The following UBE2W variants were observed in gnomAD, a reference collection of about 807,000 sequenced individuals.
The protein encoded by UBE2W is ubiquitin conjugating enzyme E2 W.
Under a neutral mutation model 27.2 loss-of-function variants are expected in UBE2W, and 18 were observed. That is an observed-to-expected ratio of 0.66 (90% CI 0.46 to 0.98). The LOEUF (loss-of-function observed/expected upper bound fraction) is 0.98. Ranked by LOEUF, UBE2W falls within the 50% of genes least tolerant of loss-of-function variation. The pLI is 0.00. For missense variants in UBE2W, 90 were observed against 180.2 expected (o/e 0.50, Z 2.87); for synonymous variants, 53 against 57.2 (o/e 0.93, Z 0.33).
chr8:73,800,842 C>A (rs1251804704), intron 5 of UBE2W, among the ~76,000 whole-genome samples: 1 of 152,084 alleles, frequency 6.6e-6, no homozygotes, highest in Admixed American at 6.6e-5. Flanking sequence ...ACCTGTAATC[C>A]CAGCACTTTG....
chr8:73,863,693 G>A (rs1248712482), intron 1 of UBE2W, among the ~76,000 whole-genome samples: 1 of 152,080 alleles, frequency 6.6e-6, no homozygotes, highest in Non-Finnish European at 1.5e-5. Flanking sequence ...GAGAGGTGGA[G>A]GGTGCAGTGA....
intron 1 of UBE2W, among the ~76,000 whole-genome samples, chr8:73,832,140 T>A (rs963325146): frequency 1.8e-4 from 27 of 149,996 alleles, no homozygotes; most frequent in African/African-American, 4.7e-4. Flanking sequence ...TAAATAAATA[T>A]ATATATATAT....
At chr8:73,782,867 T>C (rs1274785817), downstream of UBE2W, among the ~76,000 whole-genome samples, 1 of 152,258 alleles carries the variant, frequency 6.6e-6, no homozygotes, top group African/African-American at 2.4e-5. Flanking sequence ...AAAGTGGTTA[T>C]ACAATTCTAA....
chr8:73,863,932 C>CAAA (rs1811633573), intron 1 of UBE2W, among the ~76,000 whole-genome samples: 1 of 117,154 alleles, frequency 8.5e-6, no homozygotes, highest in African/African-American at 3.7e-5. Context: ...ACAACAACAA[C>CAAA]AAAAAACAAA....
rs534467890 is a variant in UBE2W, at chr8:73,812,728, C to T, written c.211-2099G>A. On this transcript the variant is annotated intron_variant, in intron 3 of 5. Transcript: ENST00000602593. ...AATTATTTTTTTAAAAGATATTTTT[C>T]GGTGTGGCTCATGCCTGTAATCCCA... is the stretch of plus-strand genomic sequence containing the variant. Among the ~76,000 whole-genome samples, 5 of 152,096 alleles carry T rather than the reference C, an allele frequency of 3.3e-5. No homozygotes were observed. The East Asian group carries it at 7.7e-4, about 24-fold the overall frequency.
chr8:73,876,319 A>G (rs1812220094), intron 1 of UBE2W, among the ~76,000 whole-genome samples: 1 of 152,156 alleles, frequency 6.6e-6, no homozygotes, highest in Non-Finnish European at 1.5e-5. Flanking sequence ...TGCCATTAAG[A>G]TAGTCAGGAT....
chr8:73,870,311 CAAAG>C (rs748949005), intron 1 of UBE2W: 8 of 1,571,734 alleles, frequency 5.1e-6, no homozygotes, highest in South Asian at 2.3e-5. Flanking sequence ...TCTGAAAATA[CAAAG>C]AAAGACCTCA....
chr8:73,787,423 T>C lies in UBE2W; in HGVS notation c.*6679A>G. On this transcript the variant is annotated 3_prime_UTR_variant, in exon 6 of 6. Coordinates refer to ENST00000602593, the MANE Select transcript of UBE2W (RefSeq NM_018299.6). ...TATGGAAAGTAGAAATTAAGGATTATAATAAAGGAAAAGGGCATCATCAAA... is the reference window on the plus strand; with the variant it reads ...TATGGAAAGTAGAAATTAAGGATTACAATAAAGGAAAAGGGCATCATCAAA... 1 of 985,378 alleles carries C rather than the reference T, an allele frequency of 1.0e-6. No homozygotes were observed. The highest frequency in any genetic ancestry group is 4.7e-5 in the South Asian group (1 of 21,288). 61.0% of individuals were successfully genotyped at this position (985,378 alleles called of 1,614,324 possible). A position where few individuals can be genotyped will look rare whatever the true frequency, so the allele number is the denominator to read the frequency against.
At chr8:73,817,612 G>A (rs1040657488) in intron 3 of UBE2W, among the ~76,000 whole-genome samples, 1 of 152,062 alleles carries the variant, frequency 6.6e-6, no homozygotes, top group African/African-American at 2.4e-5. Context: ...CCATCTTCCA[G>A]GTTCAAGCAA....
At chr8:73,814,628 C>G (rs1809311650) in intron 3 of UBE2W, among the ~76,000 whole-genome samples, 1 of 152,112 alleles carries the variant, frequency 6.6e-6, no homozygotes, top group Admixed American at 6.6e-5. Context: ...ATATGATTCT[C>G]CTGCCTCAGC....
intron 4 of UBE2W, among the ~76,000 whole-genome samples, chr8:73,806,063 G>A (rs1808891149): frequency 6.6e-6 from 1 of 152,098 alleles, no homozygotes; most frequent in Admixed American, 6.6e-5. Context: ...GCTGAGGCAG[G>A]AGAATTGATT....
At chr8:73,797,978 T>C (rs1361972050) in intron 5 of UBE2W, among the ~76,000 whole-genome samples, 1 of 152,174 alleles carries the variant, frequency 6.6e-6, no homozygotes, top group African/African-American at 2.4e-5. Flanking sequence ...CTCTGTTTCA[T>C]GCAAAAAATT....
intron 1 of UBE2W, 134 bp from the exon 2 acceptor site, chr8:73,830,606 C>A (rs1810029082): frequency 7.7e-6 from 5 of 645,984 alleles, no homozygotes; most frequent in Non-Finnish European, 1.4e-5. Context: ...CCACCTCAGC[C>A]TCCCAAGTAG....
At position 73,789,858 on chromosome 8, in the gene UBE2W, T is replaced by TA. The variant is rs1271538614; in HGVS notation, c.*4243dup. 2 of 886,262 alleles carry TA rather than the reference T, an allele frequency of 2.3e-6. No homozygotes were observed. Among genetic ancestry groups the TA allele is most frequent in the Non-Finnish European group, 2.7e-6 (2 of 739,834 alleles). The allele number at this position is 886,262 out of a possible 1,614,324, so 54.9% of individuals were successfully genotyped here. A position where few individuals can be genotyped will look rare whatever the true frequency, so the allele number is the denominator to read the frequency against. ...TCTCAAAAATAAATAAATAAATAAA[T>TA]AATAAAAATAATCATTCCACATCTC... is the stretch of plus-strand genomic sequence containing the variant. On this transcript the variant is annotated 3_prime_UTR_variant, in exon 6 of 6. Transcript: ENST00000602593.
chr8:73,849,288 G>T (rs1303360577), intron 1 of UBE2W, among the ~76,000 whole-genome samples: 1 of 152,040 alleles, frequency 6.6e-6, no homozygotes, highest in Non-Finnish European at 1.5e-5. Context: ...AACGCAGGTG[G>T]ATCACCTGAG....
chr8:73,872,095 A>C (rs1287284652), intron 1 of UBE2W, among the ~76,000 whole-genome samples: 2 of 151,996 alleles, frequency 1.3e-5, no homozygotes, highest in African/African-American at 4.8e-5. Context: ...CCACCTTAAA[A>C]ACTCTCCTTG....
intron 1 of UBE2W, among the ~76,000 whole-genome samples, chr8:73,856,399 C>G (rs1467502021): frequency 8.1e-6 from 1 of 123,060 alleles, no homozygotes; most frequent in East Asian, 2.5e-4. Flanking sequence ...GAGCCTTGCT[C>G]TGTCACCCAG....
intron 1 of UBE2W, among the ~76,000 whole-genome samples, chr8:73,844,871 G>A (rs1246998146): frequency 2.0e-5 from 3 of 148,100 alleles, no homozygotes; most frequent in Admixed American, 6.7e-5. Flanking sequence ...CGTCTCCGAC[G>A]GGCCACCCCG....
chr8:73,780,608 A>G, intron 4 of UBE2W: 1 of 410,254 alleles, frequency 2.4e-6, no homozygotes, highest in Non-Finnish European at 4.9e-6. Context: ...TGCAACCTCC[A>G]TCTCCCAGGT....
Sources: allele counts gnomAD v4.1 joint callset (sites outside exome capture counted in the v4.1 genomes callset), GRCh38; gene constraint gnomAD v4.1.1; transcripts MANE v1.5; gene names NCBI Gene and HGNC (gene_info 2026-07-23, HGNC 2026-07-21).